The following PTGFRN variants were observed in gnomAD, a reference collection of about 807,000 sequenced individuals.
PTGFRN encodes prostaglandin F2 receptor inhibitor, also known as prostaglandin F2 receptor negative regulator.
PTGFRN carries 35 observed loss-of-function variants against 83.2 expected under a neutral mutation model. The observed-to-expected ratio is 0.42, with a 90% CI of 0.32 to 0.56. The LOEUF (loss-of-function observed/expected upper bound fraction) is 0.56. PTGFRN is among the 20% of genes least tolerant of loss of function. The pLI, the probability that PTGFRN is intolerant of heterozygous loss-of-function variation, is 0.11. For synonymous variants in PTGFRN, 519 were observed against 498.6 expected, an observed-to-expected ratio of 1.04 and a Z score of -0.55; for missense variants, 1,051 against 1,179.5, an observed-to-expected ratio of 0.89 and a Z score of 1.60.
chr1:116,985,111 G>A, intron 8 of PTGFRN, 126 bp downstream of exon 8: 1 of 1,010,396 alleles, frequency 9.9e-7, no homozygotes, highest in East Asian at 2.6e-5. Context: ...TTTCTTTCTA[G>A]ACCTGGCCTG....
intron 1 of PTGFRN, among the ~76,000 whole-genome samples, chr1:116,914,485 T>G (rs1649349591): frequency 6.6e-6 from 1 of 152,200 alleles, no homozygotes; most frequent in Non-Finnish European, 1.5e-5. Flanking sequence ...ACAGGTCAGC[T>G]CATGCCTGCA....
intron 1 of PTGFRN, among the ~76,000 whole-genome samples, chr1:116,935,147 G>A (rs902846874): frequency 3.3e-5 from 5 of 152,034 alleles, no homozygotes; most frequent in African/African-American, 9.7e-5. Context: ...TACCTTGAGG[G>A]GAAAACAATG....
At chr1:116,937,691 T>C (rs1420272296) in intron 1 of PTGFRN, among the ~76,000 whole-genome samples, 1 of 152,112 alleles carries the variant, frequency 6.6e-6, no homozygotes, top group Non-Finnish European at 1.5e-5. Flanking sequence ...TGCTTGTGGG[T>C]AGGTTGTCCA....
chr1:116,950,274 C>T (rs929569160), intron 4 of PTGFRN, among the ~76,000 whole-genome samples: 2 of 152,160 alleles, frequency 1.3e-5, no homozygotes, highest in Non-Finnish European at 2.9e-5. Context: ...AAATGTTTGC[C>T]CTCTGGGCAA....
chr1:116,935,883 A>G (rs571640086), intron 1 of PTGFRN, among the ~76,000 whole-genome samples: 7 of 152,292 alleles, frequency 4.6e-5, no homozygotes, highest in Admixed American at 3.3e-4. Context: ...AGTGTCCTCA[A>G]TAGGACTTTT....
At chr1:116,966,578 T>G (rs867862271) in intron 5 of PTGFRN, among the ~76,000 whole-genome samples, 1 of 152,260 alleles carries the variant, frequency 6.6e-6, no homozygotes, top group African/African-American at 2.4e-5. Context: ...AGGAGTGTCC[T>G]CTGCCTTGCA....
At chr1:116,924,439 C>A (rs778245305) in intron 1 of PTGFRN, among the ~76,000 whole-genome samples, 1 of 152,194 alleles carries the variant, frequency 6.6e-6, no homozygotes, top group African/African-American at 2.4e-5. Context: ...GCCACCACAC[C>A]CAACCTGCAT....
intron 7 of PTGFRN, 104 bp from the exon 8 acceptor site, chr1:116,984,576 G>C: frequency 9.2e-7 from 1 of 1,091,378 alleles, no homozygotes; most frequent in Non-Finnish European, 1.3e-6. Context: ...GGCATGTAGT[G>C]TTGTGCTTGC....
At chr1:116,973,974 A>G (rs1651071718) in intron 6 of PTGFRN, among the ~76,000 whole-genome samples, 1 of 152,228 alleles carries the variant, frequency 6.6e-6, no homozygotes, top group Non-Finnish European at 1.5e-5. Context: ...AGCCAGAGCA[A>G]AAGTAATTCT....
At chr1:116,969,864 G>T (rs1216240114) in intron 6 of PTGFRN, among the ~76,000 whole-genome samples, 2 of 151,952 alleles carry the variant, frequency 1.3e-5, no homozygotes, top group African/African-American at 2.4e-5. Flanking sequence ...AAATAGAATT[G>T]CTTTCTGAAT....
At chr1:116,973,719 A>G (rs7530629) in intron 6 of PTGFRN, among the ~76,000 whole-genome samples, 19,895 of 152,018 alleles carry the variant, frequency 0.13, 1,952 homozygotes, top group African/African-American at 0.28. Context: ...ATCATTGTTG[A>G]CATGTCTGTC....
chr1:116,920,636 T>C (rs1376084942), intron 1 of PTGFRN, among the ~76,000 whole-genome samples: 3 of 152,214 alleles, frequency 2.0e-5, no homozygotes, highest in Non-Finnish European at 2.9e-5. Flanking sequence ...ATACTTTTGT[T>C]TTTTTGAAGC....
Position 116,974,082 on chromosome 1 carries a change from A to C in PTGFRN, c.2060-134A>C, listed in dbSNP as rs1651074614. 3 of 636,446 alleles carry C rather than the reference A, an allele frequency of 4.7e-6. No individual in the cohort carries two copies. In the South Asian group the frequency reaches 6.1e-5, roughly 13 times the overall value. 39.4% of individuals were successfully genotyped at this position (636,446 alleles called of 1,614,324 possible). A position where few individuals can be genotyped will look rare whatever the true frequency, so the allele number is the denominator to read the frequency against. Reference sequence around the variant, plus strand: ...CTGAATAGAAGAGAGGCAACCTTGGAACACCTATTTTGTGAGTTTCTAGAC... The same window carrying C: ...CTGAATAGAAGAGAGGCAACCTTGGCACACCTATTTTGTGAGTTTCTAGAC... On this transcript the variant is annotated intron_variant, in intron 6 of 8. Transcript: ENST00000393203.
rs57573398 is a variant in PTGFRN at position 116,989,155 on chromosome 1, T to A, written c.*2188T>A. 6.6e-6 allele frequency: 1 copy of A among 152,326 alleles called. No individual in the cohort carries two copies. The highest frequency in any genetic ancestry group is 2.4e-5 in the African/African-American group (1 of 41,576). 9.4% of individuals were successfully genotyped at this position (152,326 alleles called of 1,614,324 possible). A position where few individuals can be genotyped will look rare whatever the true frequency, so the allele number is the denominator to read the frequency against. On this transcript the variant is annotated 3_prime_UTR_variant, in exon 9 of 9. Transcript: ENST00000393203. ...ACCGGGTGTGTGTAAAACCATGGACTGAGTCACAGCAGACACTCGATGGTG... is the reference window on the plus strand; with the variant it reads ...ACCGGGTGTGTGTAAAACCATGGACAGAGTCACAGCAGACACTCGATGGTG...
chr1:116,963,705 T>G lies in PTGFRN; in HGVS notation c.1639+2037T>G, dbSNP rs143072884. 4.0e-3 allele frequency among the ~76,000 whole-genome samples: 616 copies of G among 152,140 alleles called. 8 individuals are homozygous for G. Among genetic ancestry groups the G allele is most frequent in the African/African-American group, 0.014 (580 of 41,482 alleles). On this transcript the variant is annotated intron_variant, in intron 5 of 8. Transcript: ENST00000393203. ...TCACTGCAGCCTTGACCTCCTGGGCTCCAGTGATCCTTCCACCTTAGCCTC... is the reference window on the plus strand; with the variant it reads ...TCACTGCAGCCTTGACCTCCTGGGCGCCAGTGATCCTTCCACCTTAGCCTC...
intron 1 of PTGFRN, 120 bp downstream of exon 1, chr1:116,910,372 A>C: frequency 2.1e-6 from 2 of 940,066 alleles, no homozygotes; most frequent in Non-Finnish European, 2.7e-6. Context: ...GCTCCCGGGA[A>C]ACCCGGCCGG....
intron 1 of PTGFRN, among the ~76,000 whole-genome samples, chr1:116,916,288 C>T (rs552536730): frequency 2.6e-5 from 4 of 152,300 alleles, no homozygotes; most frequent in South Asian, 4.1e-4. Context: ...TACTGTTGCT[C>T]TGTCTAGGAT....
chr1:116,949,663 T>C, intron 4 of PTGFRN, 91 bp downstream of exon 4: 1 of 1,491,204 alleles, frequency 6.7e-7, no homozygotes, highest in African/African-American at 1.4e-5. Flanking sequence ...CTCTGCGCTT[T>C]GCATGACTTC....
At chr1:116,917,527 T>C (rs1222416897) in intron 1 of PTGFRN, among the ~76,000 whole-genome samples, 1 of 152,158 alleles carries the variant, frequency 6.6e-6, no homozygotes, top group Non-Finnish European at 1.5e-5. Context: ...CAGTTTGATA[T>C]GGCATGCAGT....
Sources: allele counts gnomAD v4.1 joint callset (sites outside exome capture counted in the v4.1 genomes callset), GRCh38; gene constraint gnomAD v4.1.1; transcripts MANE v1.5; gene names NCBI Gene and HGNC (gene_info 2026-07-23, HGNC 2026-07-21).